The following NCAM2 variants were observed in gnomAD, a reference collection of about 807,000 sequenced individuals.
NCAM2 encodes N-CAM-2.
In NCAM2, 30 loss-of-function variants were observed where a neutral mutation model predicts 98.1. That is an observed-to-expected ratio of 0.31 (90% confidence interval 0.23 to 0.41). The LOEUF (loss-of-function observed/expected upper bound fraction) is 0.41, where lower values mean the gene tolerates loss of function less well. Among genes scored for constraint, NCAM2 ranks in the 10% least tolerant of loss-of-function variants. The probability of loss-of-function intolerance (pLI) is 1.00; values close to 1 mark genes in which losing one functional copy is unlikely to be tolerated. For missense variants in NCAM2, 867 were observed against 1,005.8 expected (o/e 0.86, Z 1.87); for synonymous variants, 368 against 342.4 (o/e 1.07, Z -0.83).
intron 9 of NCAM2, chr21:21,385,643 A>C (rs918761336): frequency 5.4e-6 from 7 of 1,287,968 alleles, no homozygotes; most frequent in African/African-American, 1.5e-5. Flanking sequence ...TTCATTTTCA[A>C]CATTTCCGAG....
At chr21:21,042,422 G>A (rs561992348) in intron 1 of NCAM2, among the ~76,000 whole-genome samples, 1 of 152,082 alleles carries the variant, frequency 6.6e-6, no homozygotes, top group Non-Finnish European at 1.5e-5. Context: ...GACCTCAGGT[G>A]ATCCACCCGC....
At chr21:21,198,803 C>T (rs1233245667) in intron 1 of NCAM2, among the ~76,000 whole-genome samples, 1 of 152,114 alleles carries the variant, frequency 6.6e-6, no homozygotes, top group Non-Finnish European at 1.5e-5. Context: ...AAAGTACTTG[C>T]TATGAGATTT....
At chr21:21,288,826 C>G (rs897165390) in intron 4 of NCAM2, among the ~76,000 whole-genome samples, 1 of 151,806 alleles carries the variant, frequency 6.6e-6, no homozygotes, top group Non-Finnish European at 1.5e-5. Flanking sequence ...TATAGATATT[C>G]CAGAGGAAAT....
At chr21:21,033,196 A>C (rs908986785) in intron 1 of NCAM2, among the ~76,000 whole-genome samples, 8 of 151,948 alleles carry the variant, frequency 5.3e-5, no homozygotes, top group Non-Finnish European at 8.8e-5. Flanking sequence ...TGATCCACCC[A>C]CCTTGGCCTC....
chr21:21,451,923 C>T (rs1176653826), intron 12 of NCAM2, among the ~76,000 whole-genome samples: 1 of 151,898 alleles, frequency 6.6e-6, no homozygotes, highest in Non-Finnish European at 1.5e-5. Flanking sequence ...CTTTTTTCCC[C>T]ATCTATTGGT....
chr21:21,135,249 A>AAG (rs1191292432), intron 1 of NCAM2, among the ~76,000 whole-genome samples: 1 of 118,616 alleles, frequency 8.4e-6, no homozygotes, highest in Non-Finnish European at 1.8e-5. Flanking sequence ...CCATCTCAAA[A>AAG]AAAAAAAAAA....
At chr21:21,055,071 T>C (rs544337534) in intron 1 of NCAM2, among the ~76,000 whole-genome samples, 41 of 152,188 alleles carry the variant, frequency 2.7e-4, no homozygotes, top group African/African-American at 9.1e-4. Context: ...AAACATGCTA[T>C]TTCTTTTTGT....
intron 8 of NCAM2, among the ~76,000 whole-genome samples, chr21:21,345,134 GA>G (rs2075152866): frequency 6.6e-6 from 1 of 151,980 alleles, no homozygotes; most frequent in Non-Finnish European, 1.5e-5. Context: ...CAAATATCTG[GA>G]AAGCCTTCCT....
chr21:21,368,368 T>G (rs2075836247), intron 8 of NCAM2, among the ~76,000 whole-genome samples: 1 of 151,920 alleles, frequency 6.6e-6, no homozygotes, highest in African/African-American at 2.4e-5. Context: ...CCACTCACTC[T>G]TTTCCATTTT....
chr21:21,300,369 T>C (rs2073668840), intron 5 of NCAM2, among the ~76,000 whole-genome samples: 1 of 152,082 alleles, frequency 6.6e-6, no homozygotes, highest in Non-Finnish European at 1.5e-5. Context: ...ACAAATTGTT[T>C]AGGTTGAGTC....
At chr21:21,371,587 G>T (rs2075915855) in intron 8 of NCAM2, among the ~76,000 whole-genome samples, 1 of 151,578 alleles carries the variant, frequency 6.6e-6, no homozygotes, top group Non-Finnish European at 1.5e-5. Flanking sequence ...TAGGGCATCT[G>T]CCTGGAATTC....
At chr21:21,090,077 G>A (rs1234560597) in intron 1 of NCAM2, among the ~76,000 whole-genome samples, 1 of 152,132 alleles carries the variant, frequency 6.6e-6, no homozygotes, top group Non-Finnish European at 1.5e-5. Flanking sequence ...AGGACCTGTA[G>A]CATCGGCAGC....
chr21:21,443,729 G>T (rs773670224), intron 12 of NCAM2, among the ~76,000 whole-genome samples: 1 of 152,070 alleles, frequency 6.6e-6, no homozygotes, highest in Non-Finnish European at 1.5e-5. Context: ...TCTGTAGGAG[G>T]ACCTATAGAT....
intron 1 of NCAM2, among the ~76,000 whole-genome samples, chr21:21,272,905 G>A (rs1424684486): frequency 1.7e-5 from 2 of 117,592 alleles, no homozygotes; most frequent in Non-Finnish European, 3.5e-5. Context: ...TATGTTTCCA[G>A]ACTCCAAAAT....
At chr21:21,240,066 A>G (rs945347234) in intron 1 of NCAM2, among the ~76,000 whole-genome samples, 2 of 152,090 alleles carry the variant, frequency 1.3e-5, no homozygotes, top group African/African-American at 4.8e-5. Flanking sequence ...ATTATCACCT[A>G]TCTTCTGTTT....
At chr21:21,165,532 C>G (rs1387543990) in intron 1 of NCAM2, among the ~76,000 whole-genome samples, 2 of 152,100 alleles carry the variant, frequency 1.3e-5, no homozygotes, top group African/African-American at 2.4e-5. Context: ...CATACTCTTA[C>G]CAGGGAGAAT....
intron 1 of NCAM2, among the ~76,000 whole-genome samples, chr21:21,237,946 A>ATTT (rs1300891961): frequency 7.8e-5 from 6 of 77,190 alleles, no homozygotes; most frequent in African/African-American, 1.5e-4. Flanking sequence ...GGGCATTGTA[A>ATTT]TTCTTTTTTT....
In NCAM2 at chr21:21,432,273, G is replaced by A; in HGVS notation, c.1646G>A (p.Gly549Glu). Reference sequence around the variant, plus strand: ...ATCTGGAAAATTGTACGCTCCCATGGAGTTCAAAGTGAGTCAACAATTTCA... The same window carrying A: ...ATCTGGAAAATTGTACGCTCCCATGAAGTTCAAAGTGAGTCAACAATTTCA... ...SEIWKIVRSH[G>E]VQTMVVLNNL... Residue 549 changes from glycine (G) to glutamate (E), a missense_variant, in exon 12 of 18, where the codon GGA becomes GAA. Physicochemically the swap from Gly to Glu is moderately conservative, Grantham distance 98. Around this residue, in one of 5 missense-constraint regions of NCAM2, gnomAD observed 234 missense variants for 333.8 expected, o/e 0.70. Transcript: ENST00000400546. The A allele has an allele frequency of 1.2e-6, 2 of 1,613,536 alleles. No individual in the cohort carries two copies. The highest frequency in any genetic ancestry group is 1.7e-6 in the Non-Finnish European group (2 of 1,179,622).
chr21:21,159,216 CTATTATTACAAAAAGAGTCAAATTTTA>C (rs1405257935), intron 1 of NCAM2, among the ~76,000 whole-genome samples: 8 of 151,676 alleles, frequency 5.3e-5, no homozygotes, highest in African/African-American at 1.7e-4. Flanking sequence ...GTGTTGTAAG[CTATTATTACAAAAAGAGTCAAATTTTA>C]AAAAATAAAA....
Sources: gnomAD v4.1 joint callset for allele counts (sites outside exome capture counted in the v4.1 genomes callset) on GRCh38, gnomAD v4.1.1 for gene constraint, gnomAD v4.1.1 regional missense constraint, MANE v1.5 for transcripts, NCBI Gene and HGNC (gene_info 2026-07-23, HGNC 2026-07-21) for gene names.